The following PUS7 variants were observed in gnomAD, a reference collection of about 807,000 sequenced individuals.
PUS7 encodes the protein pseudouridine synthase 7.
In PUS7, 48 loss-of-function variants were observed where a neutral mutation model predicts 79.8. The observed-to-expected ratio is 0.60, with a 90% CI of 0.48 to 0.76. The LOEUF (loss-of-function observed/expected upper bound fraction) is 0.76, where lower values mean the gene tolerates loss of function less well. PUS7 is among the 30% of genes least tolerant of loss of function. The pLI, the probability that PUS7 is intolerant of heterozygous loss-of-function variation, is 0.00. For synonymous variants in PUS7, 286 were observed against 272.2 expected, an observed-to-expected ratio of 1.05 and a Z score of -0.50; for missense variants, 729 against 797.6, an observed-to-expected ratio of 0.91 and a Z score of 1.04.
At chr7:105,508,806 A>G (rs1271984334) in intron 1 of PUS7, among the ~76,000 whole-genome samples, 1 of 141,760 alleles carries the variant, frequency 7.1e-6, no homozygotes, top group East Asian at 2.2e-4. Flanking sequence ...CGGGAGGCAG[A>G]GGTTGCAGTG....
Position 105,508,426 on chromosome 7 carries a change from C to T in PUS7, c.87G>A (p.Glu29=). 2 of 1,614,070 alleles carry T rather than the reference C, an allele frequency of 1.2e-6. No homozygotes were observed. The highest frequency in any genetic ancestry group is 1.1e-5 in the South Asian group (1 of 91,080). The change falls in exon 2 of 16, where the codon GAG becomes GAA. Residue 29 remains glutamate, a synonymous_variant. Transcript: ENST00000469408. ...EDNDSGVPVE[E]TKKQKLSECS... Reference sequence around the variant, plus strand: ...ATTCCGACAGCTTCTGTTTTTTTGTCTCTTCAACTGGGACTCCACTGTCAT... The same window carrying T: ...ATTCCGACAGCTTCTGTTTTTTTGTTTCTTCAACTGGGACTCCACTGTCAT...
chr7:105,482,166 C>G (rs1284700047), intron 8 of PUS7, 146 bp downstream of exon 8: 8 of 930,934 alleles, frequency 8.6e-6, no homozygotes, highest in Non-Finnish European at 1.3e-5. Flanking sequence ...TCTCCCAGCC[C>G]TGCCAGGCCC....
At chr7:105,508,034 G>A (rs560120857) in intron 2 of PUS7, 81 bp downstream of exon 2, 1 of 1,446,356 alleles carries the variant, frequency 6.9e-7, no homozygotes, top group Non-Finnish European at 9.1e-7. Flanking sequence ...GGAAAGCTAA[G>A]TGGAAGAATA....
intron 12 of PUS7, among the ~76,000 whole-genome samples, chr7:105,466,539 T>C (rs191809776): frequency 6.6e-6 from 1 of 152,160 alleles, no homozygotes; most frequent in East Asian, 1.9e-4. Context: ...GGGTGTGAGC[T>C]ACTGCACCAA....
intron 9 of PUS7, among the ~76,000 whole-genome samples, chr7:105,473,405 T>A (rs979557962): frequency 6.6e-6 from 1 of 150,422 alleles, no homozygotes; most frequent in African/African-American, 2.5e-5. Context: ...TGAGTCAGCA[T>A]GCCTGCCTAA....
Position 105,506,065 on chromosome 7 carries a change from T to C in PUS7, c.484-9A>G. On this transcript the variant is annotated splice_polypyrimidine_tract_variant and intron_variant, in intron 3 of 15. Coordinates refer to ENST00000469408, the MANE Select transcript of PUS7 (RefSeq NM_019042.5). The stretch of plus-strand genomic sequence containing the variant: ...ATGTCTTCTGAAGGGTCCTTTAAAA[T>C]AACCATGAGAACTCACAATGAATCA... The C allele has an allele frequency of 6.2e-7, 1 of 1,607,662 alleles. No homozygotes were observed. Among genetic ancestry groups the C allele is most frequent in the Non-Finnish European group, 8.5e-7 (1 of 1,176,182 alleles).
At position 105,506,209 on chromosome 7, in the gene PUS7, A is replaced by G. The variant is rs1301713865; in HGVS notation, c.463T>C (p.Ser155Pro). The G allele has an allele frequency of 1.2e-6, 2 of 1,613,172 alleles. No homozygotes were observed. The highest frequency in any genetic ancestry group is 2.7e-5 in the African/African-American group (2 of 74,910). ...TCTACCTCCTCATCCACTGGAATGG[A>G]CAAGTCATTCAAATGGCTGATCCGT... ...DGRISHLNDL[S>P]IPVDEEDPSE... The change falls in exon 3 of 16, where the codon TCC becomes CCC. Residue 155 changes from serine (S) to proline (P), a missense_variant. By Grantham distance (74) the Ser-to-Pro change is moderately conservative. Transcript: ENST00000469408.
intron 1 of PUS7, among the ~76,000 whole-genome samples, chr7:105,513,512 T>A (rs1032169942): frequency 9.9e-5 from 15 of 152,254 alleles, no homozygotes; most frequent in Admixed American, 8.5e-4. Context: ...TATTCAACTG[T>A]TAGTCCTTAA....
Position 105,514,013 on chromosome 7 carries a change from G to C in PUS7, c.-32-5469C>G, listed in dbSNP as rs1243474865. On this transcript the variant is annotated intron_variant, in intron 1 of 15. Transcript: ENST00000469408. ...GGATCGCCAAGGCAGGCCGGATCAC[G>C]AAGTCAGGAGATCGAAACCAACCTG... is the stretch of plus-strand genomic sequence containing the variant. Among the ~76,000 whole-genome samples, 2 of 133,572 alleles carry C rather than the reference G, an allele frequency of 1.5e-5. 1 individual carries two copies. The highest frequency in any genetic ancestry group is 1.6e-4 in the Admixed American group (2 of 12,644). The allele number at this position is 133,572 out of a possible 152,430, so 87.6% of individuals were successfully genotyped here.
intron 1 of PUS7, among the ~76,000 whole-genome samples, chr7:105,512,618 C>T (rs1032609107): frequency 2.0e-5 from 3 of 152,170 alleles, no homozygotes; most frequent in African/African-American, 4.8e-5. Context: ...AAGAACTCAT[C>T]GCCCACTGTG....
rs1824937486 is a variant in PUS7 at position 105,494,761 on chromosome 7, T to C, written c.842+381A>G. The stretch of plus-strand genomic sequence containing the variant: ...GGGAGGCTGAAGTGTGAGGACTGCT[T>C]GAGCACAGGAGTTCGAGACCAGCCT... On this transcript the variant is annotated intron_variant, in intron 6 of 15. Transcript: ENST00000469408. 2.0e-5 allele frequency among the ~76,000 whole-genome samples: 3 copies of C among 151,872 alleles called. 1 individual carries two copies. The South Asian group carries it at 6.2e-4, about 31-fold the overall frequency.
At chr7:105,490,559 C>T (rs1213381959) in intron 7 of PUS7, among the ~76,000 whole-genome samples, 1 of 152,122 alleles carries the variant, frequency 6.6e-6, no homozygotes, top group Non-Finnish European at 1.5e-5. Flanking sequence ...CACCAATCCC[C>T]ATTTAGATTA....
chr7:105,460,808 C>A (rs1200865651), intron 14 of PUS7, among the ~76,000 whole-genome samples: 2 of 144,980 alleles, frequency 1.4e-5, no homozygotes, highest in South Asian at 2.2e-4. Flanking sequence ...GAGCCGAGAT[C>A]GCGCCACTGC....
intron 7 of PUS7, among the ~76,000 whole-genome samples, chr7:105,485,388 T>C (rs1210918277): frequency 6.6e-6 from 1 of 152,166 alleles, no homozygotes; most frequent in East Asian, 1.9e-4. Context: ...TTTGTATTTT[T>C]AGTAGAGACA....
rs1825598980 is a variant in PUS7, at chr7:105,509,098, C to T, written c.-32-554G>A. Among the ~76,000 whole-genome samples the T allele has an allele frequency of 3.7e-5, 5 of 136,758 alleles. No homozygotes were observed. In the South Asian group the frequency reaches 1.2e-3, roughly 34 times the overall value. 89.7% of individuals were successfully genotyped at this position (136,758 alleles called of 152,430 possible). A position where few individuals can be genotyped will look rare whatever the true frequency, so the allele number is the denominator to read the frequency against. On this transcript the variant is annotated intron_variant, in intron 1 of 15. Transcript: ENST00000469408. ...AGTCAGGAGGCTGAGGCAGGAGAAT[C>T]GCTTGAACCTGGGAGGCGGAGTTTG...
chr7:105,463,480 C>G (rs529848948), intron 13 of PUS7, among the ~76,000 whole-genome samples: 1 of 152,272 alleles, frequency 6.6e-6, no homozygotes, highest in Middle Eastern at 3.4e-3. Flanking sequence ...TCCCACCAAA[C>G]CTTTTATCTG....
chr7:105,494,611 T>C (rs1383392014), intron 6 of PUS7, among the ~76,000 whole-genome samples: 1 of 151,996 alleles, frequency 6.6e-6, no homozygotes, highest in African/African-American at 2.4e-5. Flanking sequence ...GGTTTCACCA[T>C]GTTGGCCAAG....
intron 7 of PUS7, among the ~76,000 whole-genome samples, chr7:105,484,928 T>A (rs992255621): frequency 1.4e-5 from 2 of 146,878 alleles, no homozygotes; most frequent in Non-Finnish European, 3.0e-5. Context: ...AGTGGCATGA[T>A]CTCAGCTCAC....
At chr7:105,514,670 C>T (rs879308098) in intron 1 of PUS7, among the ~76,000 whole-genome samples, 8 of 152,114 alleles carry the variant, frequency 5.3e-5, no homozygotes, top group Non-Finnish European at 1.2e-4. Context: ...CCCCAAAACA[C>T]TTTTTAAGCC....
Sources: gnomAD v4.1 joint callset for allele counts (sites outside exome capture counted in the v4.1 genomes callset) on GRCh38, gnomAD v4.1.1 for gene constraint, MANE v1.5 for transcripts, NCBI Gene and HGNC (gene_info 2026-07-23, HGNC 2026-07-21) for gene names.